The following DNAH12 variants were observed in gnomAD, a reference collection of about 807,000 sequenced individuals.
The protein encoded by DNAH12 is dynein axonemal heavy chain 12.
Under a neutral mutation model 371.5 loss-of-function variants are expected in DNAH12, and 285 were observed. The ratio of observed to expected loss-of-function variants is 0.77; its 90% CI spans 0.70 to 0.85. The LOEUF (loss-of-function observed/expected upper bound fraction) is 0.85, where lower values mean the gene tolerates loss of function less well. Ranked by LOEUF, DNAH12 falls within the 40% of genes least tolerant of loss-of-function variation. The pLI is 0.00. For synonymous variants in DNAH12, 1,200 were observed against 1,213.0 expected (o/e 0.99, Z 0.22); for missense variants, 3,611 against 3,689.4 (o/e 0.98, Z 0.55).
chr3:57,422,071 T>C (rs2064604291), intron 35 of DNAH12, among the ~76,000 whole-genome samples: 1 of 151,314 alleles, frequency 6.6e-6, no homozygotes, highest in African/African-American at 2.4e-5. Context: ...AAAGCCTGAC[T>C]AATTTTTTGT....
the DNAH12 span, among the ~76,000 whole-genome samples, chr3:57,556,017 A>C: frequency 2.0e-5 from 3 of 152,224 alleles, no homozygotes; most frequent in Non-Finnish European, 4.4e-5. The surrounding 1 kb of genome is among the most constrained non-coding windows in gnomAD (Gnocchi z 5.0). Flanking sequence ...CCTCCAACGA[A>C]GCGGAACACG....
At chr3:57,504,296 A>G in intron 8 of DNAH12, 92 bp from the exon 9 acceptor site, 1 of 1,099,722 alleles carries the variant, frequency 9.1e-7, no homozygotes, top group Non-Finnish European at 1.3e-6. Context: ...ATATCTGATT[A>G]TAATTGTCTA....
chr3:57,352,601 T>A (rs147228292), intron 59 of DNAH12, among the ~76,000 whole-genome samples: 1 of 151,912 alleles, frequency 6.6e-6, no homozygotes, highest in South Asian at 2.1e-4. Context: ...CTCTCTATTT[T>A]CCAAATCCTA....
intron 62 of DNAH12, among the ~76,000 whole-genome samples, chr3:57,329,141 G>A (rs2062027152): frequency 6.8e-6 from 1 of 146,616 alleles, no homozygotes; most frequent in South Asian, 2.2e-4. Flanking sequence ...ACTGCCCAAG[G>A]TAATTTATAG....
At chr3:57,550,604 C>G in the DNAH12 span, among the ~76,000 whole-genome samples, 6,598 of 152,072 alleles carry the variant, frequency 0.043, 194 homozygotes, top group South Asian at 0.1. Flanking sequence ...CTTCCCCCTC[C>G]CGGGTTCAAG....
intron 30 of DNAH12, among the ~76,000 whole-genome samples, chr3:57,434,973 TAA>T (rs1303346332): frequency 1.3e-5 from 2 of 152,148 alleles, no homozygotes; most frequent in Non-Finnish European, 2.9e-5. Context: ...TCGCAACTGG[TAA>T]AAGATAAAAT....
intron 9 of DNAH12, among the ~76,000 whole-genome samples, chr3:57,503,645 C>G (rs1395701517): frequency 6.6e-6 from 1 of 152,084 alleles, no homozygotes; most frequent in African/African-American, 2.4e-5. Context: ...CCTCGGCCTC[C>G]TAAAGTGCTG....
chr3:57,448,469 G>A (rs948626697), intron 25 of DNAH12, among the ~76,000 whole-genome samples: 9 of 152,182 alleles, frequency 5.9e-5, no homozygotes, highest in Admixed American at 3.9e-4. Context: ...TCCCAGGGGG[G>A]CTCGTGGTCT....
At chr3:57,497,204 A>G (rs1286320091) in intron 11 of DNAH12, among the ~76,000 whole-genome samples, 1 of 152,232 alleles carries the variant, frequency 6.6e-6, no homozygotes, top group Admixed American at 6.5e-5. Context: ...AATCCTAACC[A>G]AAATCCTAGC....
At position 57,387,132 on chromosome 3, in the gene DNAH12, G is replaced by T. The variant is rs1338834426; in HGVS notation, c.7393C>A (p.Pro2465Thr). 2.0e-5 allele frequency: 3 copies of T among 152,084 alleles called. No individual in the cohort carries two copies. The highest frequency in any genetic ancestry group is 4.4e-5 in the Non-Finnish European group (3 of 68,020). 9.4% of individuals were successfully genotyped at this position (152,084 alleles called of 1,614,324 possible). ...GAGGTGTGAAAGTGTTTACAGATTG[G>T]AACTATCTCTTGTTGTTCAACCTCA... is the stretch of plus-strand genomic sequence containing the variant. Reference protein sequence around the residue: ...LTEVEQQEIVPICKHFHTSIM... With the variant: ...LTEVEQQEIVTICKHFHTSIM... Residue 2465 changes from proline (P) to threonine (T), a missense_variant, in exon 46 of 74, where the codon CCA (proline) becomes ACA (threonine). Transcript: ENST00000495027.
rs920751556 is a variant in DNAH12, at chr3:57,510,662, G to GA, written c.469+127dup. 48 of 842,710 alleles carry GA rather than the reference G, an allele frequency of 5.7e-5. No individual in the cohort carries two copies. The African/African-American group carries it at 7.7e-4, about 13-fold the overall frequency. The allele number at this position is 842,710 out of a possible 1,614,324, so 52.2% of individuals were successfully genotyped here. A position where few individuals can be genotyped will look rare whatever the true frequency, so the allele number is the denominator to read the frequency against. On this transcript the variant is annotated intron_variant, in intron 5 of 73. Coordinates refer to ENST00000495027, the MANE Select transcript of DNAH12 (RefSeq NM_001366028.2). ...AAGAAAAAAAATAAAAAGAAAAGAAGAAAAAAACCAGATATAGTTTAAATA... is the reference window on the plus strand; with the variant it reads ...AAGAAAAAAAATAAAAAGAAAAGAAGAAAAAAAACCAGATATAGTTTAAATA...
chr3:57,551,001 C>A, the DNAH12 span, among the ~76,000 whole-genome samples: 1 of 150,104 alleles, frequency 6.7e-6, no homozygotes, highest in Non-Finnish European at 1.5e-5. Context: ...GCCTCAGCCT[C>A]CCGAGTAGCT....
At position 57,303,121 on chromosome 3, in the gene DNAH12, C is replaced by T. The variant is rs532376041; in HGVS notation, c.11190-1182G>A. ...TGGAGAGGCCGACGCGGGTGCATCA[C>T]GAGGTCAGGAGATCGAGACCATCCT... On this transcript the variant is annotated intron_variant, in intron 69 of 73. Coordinates refer to ENST00000495027, the MANE Select transcript of DNAH12 (RefSeq NM_001366028.2). Among the ~76,000 whole-genome samples, 1,383 of 151,488 alleles carry T rather than the reference C, an allele frequency of 9.1e-3. 10 individuals are homozygous for T. The highest frequency in any genetic ancestry group is 0.013 in the Non-Finnish European group (871 of 67,862).
chr3:57,470,483 A>G lies in DNAH12; in HGVS notation c.2065T>C (p.Phe689Leu), dbSNP rs1249563549. ...TGCCACTTCAAAACAAAATTAAAAA[A>G]CTTCTGATAGGGCTCAATGTTAACT... ...LKVNIEPYQK[F>L]FNFVLKWQRS... is the part of the protein sequence containing the mutation. The change falls in exon 16 of 74, where the codon TTT becomes CTT. Residue 689 changes from phenylalanine (F) to leucine (L), a missense_variant. By Grantham distance (22) the Phe-to-Leu change is conservative. Transcript: ENST00000495027. 6.5e-7 allele frequency: 1 copy of G among 1,535,262 alleles called. No individual in the cohort carries two copies. Among genetic ancestry groups the G allele is most frequent in the Non-Finnish European group, 8.8e-7 (1 of 1,142,032 alleles).
intron 52 of DNAH12, among the ~76,000 whole-genome samples, chr3:57,377,473 A>G (rs2063303789): frequency 6.6e-6 from 1 of 152,200 alleles, no homozygotes; most frequent in Non-Finnish European, 1.5e-5. Flanking sequence ...ATGTCAAAAT[A>G]TGTAGCAAAA....
intron 60 of DNAH12, among the ~76,000 whole-genome samples, chr3:57,337,765 T>C (rs2062263269): frequency 1.3e-5 from 2 of 152,096 alleles, no homozygotes; most frequent in Admixed American, 1.3e-4. Context: ...TACACCCCAA[T>C]ACAACAACAG....
intron 60 of DNAH12, among the ~76,000 whole-genome samples, chr3:57,338,481 G>A (rs11929378): frequency 0.31 from 45,951 of 146,576 alleles, 7,855 homozygotes; most frequent in Non-Finnish European, 0.41. Context: ...CGGCCGCCCC[G>A]TCTGGGAGGT....
At chr3:57,509,571 C>T (rs149860439) in intron 5 of DNAH12, among the ~76,000 whole-genome samples, 142 of 151,944 alleles carry the variant, frequency 9.3e-4, no homozygotes, top group African/African-American at 2.9e-3. Context: ...AGAGATTACG[C>T]GACATGGAGG....
chr3:57,351,305 A>C (rs1178516345), intron 60 of DNAH12, among the ~76,000 whole-genome samples: 1 of 152,058 alleles, frequency 6.6e-6, no homozygotes, highest in Non-Finnish European at 1.5e-5. Flanking sequence ...AAACCAACAA[A>C]AATAAAACGT....
Sources: allele counts gnomAD v4.1 joint callset (sites outside exome capture counted in the v4.1 genomes callset), GRCh38; gene constraint gnomAD v4.1.1; non-coding constraint Gnocchi (gnomAD v3.1); transcripts MANE v1.5; gene names NCBI Gene and HGNC (gene_info 2026-07-23, HGNC 2026-07-21).